Variants in BRWD3 observed in about 807,000 individuals in gnomAD.
The protein encoded by BRWD3 is bromodomain and WD repeat-containing protein 3.
A neutral mutation model predicts 149.7 loss-of-function variants in BRWD3; 10 were observed. The ratio of observed to expected loss-of-function variants is 0.07; its 90% CI spans 0.04 to 0.11. The LOEUF (loss-of-function observed/expected upper bound fraction) is 0.11. Ranked by LOEUF, BRWD3 falls within the 10% of genes least tolerant of loss-of-function variation. The pLI, the probability that BRWD3 is intolerant of heterozygous loss-of-function variation, is 1.00. For synonymous variants in BRWD3, 504 were observed against 456.7 expected (o/e 1.10, Z -1.32); for missense variants, 940 against 1,373.2 (o/e 0.68, Z 4.99).
At chrX:80,725,922 T>C (rs1276275498) in intron 14 of BRWD3, among the ~76,000 whole-genome samples, 3 of 111,255 alleles carry the variant, frequency 2.7e-5, no homozygotes, top group African/African-American at 9.7e-5. Flanking sequence ...CATGCCTATA[T>C]GACATAACTT....
At chrX:80,798,579 G>A (rs2074261608) in intron 4 of BRWD3, among the ~76,000 whole-genome samples, 1 of 108,163 alleles carries the variant, frequency 9.2e-6, no homozygotes, top group African/African-American at 3.4e-5. Context: ...GAGGCCTGCA[G>A]AAGAAAAACA....
chrX:80,711,154 T>C (rs2072959900), intron 20 of BRWD3, among the ~76,000 whole-genome samples: 1 of 112,184 alleles, frequency 8.9e-6, no homozygotes, highest in East Asian at 2.8e-4. Context: ...CTCAAAAATC[T>C]AGAAAACTTT....
chrX:80,725,972 A>G (rs1042088149), intron 14 of BRWD3, among the ~76,000 whole-genome samples: 1 of 107,653 alleles, frequency 9.3e-6, no homozygotes, highest in Admixed American at 9.7e-5. Context: ...TAACATGTTT[A>G]CATGTTATAT....
chrX:80,694,839 T>C (rs2147698514), intron 27 of BRWD3, among the ~76,000 whole-genome samples: 1 of 111,346 alleles, frequency 9.0e-6, no homozygotes, highest in African/African-American at 3.3e-5. Context: ...ACTTGCCTTG[T>C]CTCAGATGAT....
At position 80,674,842 on chromosome X, in the gene BRWD3, C is replaced by T. The variant is rs1049727670; in HGVS notation, c.*1767G>A. 2 of 111,660 alleles carry T rather than the reference C, an allele frequency of 1.8e-5. No individual in the cohort carries two copies. The highest frequency in any genetic ancestry group is 1.9e-4 in the Admixed American group (2 of 10,531). 9.2% of individuals were successfully genotyped at this position (111,660 alleles called of 1,213,427 possible). On this transcript the variant is annotated 3_prime_UTR_variant, in exon 41 of 41. Transcript: ENST00000373275. ...GTTAGTCCAAGAATAACCCTACTGC[C>T]GACCCTACCAAAAAAGCAAAGTTTT...
chrX:80,711,263 C>G (rs1488769029), intron 20 of BRWD3, among the ~76,000 whole-genome samples: 1 of 111,294 alleles, frequency 9.0e-6, no homozygotes, highest in Non-Finnish European at 1.9e-5. Flanking sequence ...ATTTCTCTTG[C>G]CCAAATTTCT....
chrX:80,793,559 TA>T, intron 5 of BRWD3, 62 bp downstream of exon 5: 1 of 1,085,448 alleles, frequency 9.2e-7, no homozygotes, highest in Non-Finnish European at 1.3e-6. Flanking sequence ...TTACTCAATC[TA>T]AAAATAAGCT....
At chrX:80,719,391 T>G (rs780671069) in intron 18 of BRWD3, 98 bp downstream of exon 18, 1 of 827,305 alleles carries the variant, frequency 1.2e-6, no homozygotes, top group East Asian at 3.5e-5. Flanking sequence ...AAAAAGTTTT[T>G]ATTTATAAAC....
At chrX:80,714,140 T>C (rs1245013976) in intron 20 of BRWD3, among the ~76,000 whole-genome samples, 1 of 110,928 alleles carries the variant, frequency 9.0e-6, no homozygotes, top group African/African-American at 3.3e-5. Context: ...AACAAACATT[T>C]ACAACCTATT....
At chrX:80,721,774 C>G (rs1466523782) in intron 17 of BRWD3, among the ~76,000 whole-genome samples, 1 of 111,907 alleles carries the variant, frequency 8.9e-6, no homozygotes, top group Non-Finnish European at 1.9e-5. Flanking sequence ...CATCCTCTTA[C>G]CCTACACCCA....
chrX:80,730,389 A>AAAAGAAAGAAAGAAAGAAAGAAAGAAAG (rs56311451), intron 12 of BRWD3, among the ~76,000 whole-genome samples: 6 of 77,661 alleles, frequency 7.7e-5, no homozygotes, highest in East Asian at 4.0e-4. Context: ...ATTATTTAGC[A>AAAAGAAAGAAAGAAAGAAAGAAAGAAAG]AAAGAAAGAA....
intron 20 of BRWD3, chrX:80,710,215 T>C: frequency 2.3e-6 from 1 of 437,660 alleles, no homozygotes. Flanking sequence ...TTGTATCTGA[T>C]AGACCACTTC....
intron 13 of BRWD3, 36 bp from the exon 14 acceptor site, chrX:80,728,941 A>G: frequency 6.0e-6 from 7 of 1,159,461 alleles, no homozygotes; most frequent in Non-Finnish European, 8.2e-6. Context: ...ATATCTTATA[A>G]ATTTTTGACA....
chrX:80,699,924 C>T (rs772113153), intron 25 of BRWD3, 33 bp downstream of exon 25: 1 of 1,062,062 alleles, frequency 9.4e-7, no homozygotes, highest in Non-Finnish European at 1.3e-6. Flanking sequence ...AAAGCTACTT[C>T]CATTGCATAG....
chrX:80,794,810 A>C (rs2074220322), intron 4 of BRWD3, among the ~76,000 whole-genome samples: 1 of 111,134 alleles, frequency 9.0e-6, no homozygotes, highest in Non-Finnish European at 1.9e-5. Flanking sequence ...AAAAGCACAC[A>C]GGTGATGAGT....
chrX:80,717,871 G>T, intron 18 of BRWD3, 112 bp from the exon 19 acceptor site: 1 of 662,312 alleles, frequency 1.5e-6, no homozygotes, highest in Non-Finnish European at 2.4e-6. Context: ...TGTAAGAATT[G>T]CTATCCCTTT....
At chrX:80,722,996 A>T (rs942801773) in intron 16 of BRWD3, among the ~76,000 whole-genome samples, 1 of 111,575 alleles carries the variant, frequency 9.0e-6, no homozygotes, top group Non-Finnish European at 1.9e-5. Context: ...TATAATCTGT[A>T]TTAATTTTTA....
intron 3 of BRWD3, 125 bp downstream of exon 3, chrX:80,808,888 G>C: frequency 1.3e-6 from 1 of 780,290 alleles, no homozygotes; most frequent in Non-Finnish European, 1.9e-6. Context: ...ATTCACCCCG[G>C]TGACAACAGC....
At position 80,717,709 on chromosome X, in the gene BRWD3, G is replaced by T. The variant is rs746536339; in HGVS notation, c.2095C>A (p.Arg699=). The change falls in exon 19 of 41, where the codon CGA becomes AGA. Residue 699 remains arginine (R), a synonymous_variant. Transcript: ENST00000373275. ...DISSSPNIRL[R]RHSSQIEGVR... is the part of the protein sequence containing the mutation. ...CCTTCAATTTGACTACTATGTCTTCGAAGCCTGATGTTTGGGGAAGAAGAT... is the reference window on the plus strand; with the variant it reads ...CCTTCAATTTGACTACTATGTCTTCTAAGCCTGATGTTTGGGGAAGAAGAT... 8.3e-7 allele frequency: 1 copy of T among 1,211,015 alleles called. No homozygotes were observed. The highest frequency in any genetic ancestry group is 1.8e-5 in the South Asian group (1 of 56,964).
Sources: gnomAD v4.1 joint callset for allele counts (sites outside exome capture counted in the v4.1 genomes callset) on GRCh38, gnomAD v4.1.1 for gene constraint, MANE v1.5 for transcripts, NCBI Gene and HGNC (gene_info 2026-07-23, HGNC 2026-07-21) for gene names.